CLVS1: variants seen among roughly 807,000 people sequenced by gnomAD.
CLVS1 encodes clavesin 1, also known as clavesin-1.
CLVS1 carries 10 observed loss-of-function variants against 33.1 expected under a neutral mutation model. The ratio of observed to expected loss-of-function variants is 0.30; its 90% CI spans 0.19 to 0.51. CLVS1 has a LOEUF of 0.51. Among genes scored for constraint, CLVS1 ranks in the 20% least tolerant of loss-of-function variants. CLVS1 has a pLI of 0.97. For missense variants in CLVS1, 343 were observed against 433.4 expected (o/e 0.79, Z 1.85); for synonymous variants, 163 against 166.1 (o/e 0.98, Z 0.14).
At chr8:61,192,273 G>A (rs995859783) in intron 2 of CLVS1, among the ~76,000 whole-genome samples, 3 of 152,080 alleles carry the variant, frequency 2.0e-5, no homozygotes, top group African/African-American at 7.2e-5. Flanking sequence ...ACAAGAAATG[G>A]GAGAGGATTC....
At chr8:61,064,001 G>A (rs1563389286) in intron 1 of CLVS1, among the ~76,000 whole-genome samples, 1 of 152,168 alleles carries the variant, frequency 6.6e-6, no homozygotes, top group Admixed American at 6.5e-5. Context: ...TGTCTGGCTA[G>A]TTTAACTTAA....
the CLVS1 span, among the ~76,000 whole-genome samples, chr8:61,003,937 T>G: frequency 6.6e-6 from 1 of 152,192 alleles, no homozygotes; most frequent in South Asian, 2.1e-4. Flanking sequence ...CAGGAGGTAA[T>G]GCAGTGCTGT....
At chr8:61,245,590 A>G (rs1808789548) in intron 2 of CLVS1, among the ~76,000 whole-genome samples, 1 of 151,988 alleles carries the variant, frequency 6.6e-6, no homozygotes, top group Admixed American at 6.6e-5. Flanking sequence ...GTATATAATT[A>G]CAGATATACT....
At position 61,178,098 on chromosome 8, in the gene CLVS1, G is replaced by C. The variant is rs555929182; in HGVS notation, c.-152+46238G>C. 4.6e-5 allele frequency among the ~76,000 whole-genome samples: 7 copies of C among 152,244 alleles called. No individual in the cohort carries two copies. The South Asian group carries it at 1.5e-3, about 32-fold the overall frequency. ...TCAACGCAAAGAAGCTAAGAACCTT[G>C]ATAAAAGGTTACAGGAGCTGCTAAC... On this transcript the variant is annotated intron_variant, in intron 2 of 2. Transcript: ENST00000522621.
chr8:61,226,527 A>G (rs1352040600), intron 2 of CLVS1, among the ~76,000 whole-genome samples: 1 of 152,234 alleles, frequency 6.6e-6, no homozygotes, highest in Non-Finnish European at 1.5e-5. Context: ...AATTTTGTGC[A>G]TAGCTGACTT....
chr8:61,042,893 C>T, the CLVS1 span, among the ~76,000 whole-genome samples: 4 of 152,180 alleles, frequency 2.6e-5, no homozygotes, highest in South Asian at 4.1e-4. Flanking sequence ...AAGGATTCTG[C>T]AACACTGAGG....
intron 2 of CLVS1, among the ~76,000 whole-genome samples, chr8:61,191,718 C>G (rs1296320278): frequency 6.6e-6 from 1 of 152,170 alleles, no homozygotes; most frequent in Non-Finnish European, 1.5e-5. Context: ...CACAAGCATT[C>G]TTATACACCA....
chr8:61,300,712 C>G (rs1249711513), intron 2 of CLVS1: 1 of 156,924 alleles, frequency 6.4e-6, no homozygotes, highest in East Asian at 1.9e-4. Flanking sequence ...CTCCTGAGTG[C>G]CAGACATTTC....
the CLVS1 span, among the ~76,000 whole-genome samples, chr8:61,021,142 G>A: frequency 2.6e-5 from 4 of 152,100 alleles, no homozygotes; most frequent in South Asian, 4.1e-4. Flanking sequence ...GAACTTTCAA[G>A]AGCCTGCAAT....
intron 2 of CLVS1, among the ~76,000 whole-genome samples, chr8:61,267,840 T>C (rs1667045268): frequency 1.3e-5 from 2 of 152,182 alleles, no homozygotes; most frequent in African/African-American, 2.4e-5. Flanking sequence ...TGTAACTATA[T>C]TGTCATTTTG....
chr8:61,239,272 G>T (rs1183281561), intron 2 of CLVS1, among the ~76,000 whole-genome samples: 1 of 152,068 alleles, frequency 6.6e-6, no homozygotes, highest in Non-Finnish European at 1.5e-5. Flanking sequence ...CTATACAACT[G>T]GACATATCAA....
At chr8:61,476,856 C>T (rs141844475) in intron 5 of CLVS1, among the ~76,000 whole-genome samples, 3,253 of 152,184 alleles carry the variant, frequency 0.021, 121 homozygotes, top group African/African-American at 0.073. Flanking sequence ...TGGTGGGAGA[C>T]GGCATCCCTG....
intron 2 of CLVS1, among the ~76,000 whole-genome samples, chr8:61,218,131 C>T (rs1407647062): frequency 6.6e-6 from 1 of 152,110 alleles, no homozygotes; most frequent in Non-Finnish European, 1.5e-5. Flanking sequence ...ACCAGATGAT[C>T]CAGCAATATC....
chr8:61,140,856 G>A (rs890099801), intron 2 of CLVS1, among the ~76,000 whole-genome samples: 3 of 152,092 alleles, frequency 2.0e-5, no homozygotes, highest in Non-Finnish European at 4.4e-5. Context: ...GTGAGCCACC[G>A]TAATTTTTTT....
intron 3 of CLVS1, among the ~76,000 whole-genome samples, chr8:61,416,666 G>A (rs575948488): frequency 4.8e-4 from 73 of 152,198 alleles, no homozygotes; most frequent in African/African-American, 1.5e-3. Context: ...CTTCCCCCAG[G>A]CCTGCTTGGA....
the CLVS1 span, among the ~76,000 whole-genome samples, chr8:61,038,459 C>CAT: frequency 3.0e-3 from 436 of 143,984 alleles, 2 homozygotes; most frequent in Non-Finnish European, 3.7e-3. Context: ...ATATATATGA[C>CAT]ATATATATAT....
At chr8:61,233,509 C>CAA (rs35418716) in intron 2 of CLVS1, among the ~76,000 whole-genome samples, 23,625 of 96,866 alleles carry the variant, frequency 0.24, 3,423 homozygotes, top group East Asian at 0.51. Context: ...GACTCTGTAT[C>CAA]AAAAAAAAAA....
intron 2 of CLVS1, among the ~76,000 whole-genome samples, chr8:61,219,350 C>T (rs557161177): frequency 1.1e-3 from 163 of 152,124 alleles, no homozygotes; most frequent in African/African-American, 3.3e-3. Context: ...TCTCTGTGTC[C>T]GTGAGTTCTC....
intron 2 of CLVS1, among the ~76,000 whole-genome samples, chr8:61,333,236 A>C (rs1811666609): frequency 6.6e-6 from 1 of 152,192 alleles, no homozygotes. Flanking sequence ...AAGTTTAATA[A>C]AGTTTTTACA....
Sources: gnomAD v4.1 joint callset for allele counts (sites outside exome capture counted in the v4.1 genomes callset) on GRCh38, gnomAD v4.1.1 for gene constraint, MANE v1.5 for transcripts, NCBI Gene and HGNC (gene_info 2026-07-23, HGNC 2026-07-21) for gene names.